ARAP1: variants seen among roughly 807,000 people sequenced by gnomAD.
ARAP1 encodes the protein arf-GAP with Rho-GAP domain, ANK repeat and PH domain-containing protein 1.
ARAP1 carries 76 observed loss-of-function variants against 172.2 expected under a neutral mutation model. The observed-to-expected ratio is 0.44, with a 90% confidence interval of 0.37 to 0.53. ARAP1 has a LOEUF of 0.53. Ranked by LOEUF, ARAP1 falls within the 20% of genes least tolerant of loss-of-function variation. The pLI, the probability that ARAP1 is intolerant of heterozygous loss-of-function variation, is 0.00. For missense variants in ARAP1, 1,686 were observed against 1,977.5 expected, an observed-to-expected ratio of 0.85 and a Z score of 2.80; for synonymous variants, 804 against 803.3, an observed-to-expected ratio of 1.00 and a Z score of -0.01.
intron 30 of ARAP1, 53 bp from the exon 31 acceptor site, chr11:72,688,590 G>A (rs1855791832): frequency 6.7e-7 from 1 of 1,499,158 alleles, no homozygotes; most frequent in South Asian, 1.2e-5. Flanking sequence ...AGGGCACTGG[G>A]GCCGCTCTCC....
Position 72,695,915 on chromosome 11 carries a change from C to G in ARAP1, c.3273-50G>C. On this transcript the variant is annotated intron_variant, in intron 23 of 34. Transcript: ENST00000393609. This position sits in a 1 kb window ranked among gnomAD's most constrained non-coding sequence, Gnocchi z 4.4. ...TGAGTGAGGAGTCAGGCCAGAGCTT[C>G]CCATCTCACCCTATTAATTTCTGAC... is the stretch of plus-strand genomic sequence containing the variant. 6.4e-7 allele frequency: 1 copy of G among 1,562,848 alleles called. No homozygotes were observed.
At position 72,693,693 on chromosome 11, in the gene ARAP1, C is replaced by G. The variant is rs1172845517; in HGVS notation, c.3807G>C (p.Leu1269=). 6.2e-7 allele frequency: 1 copy of G among 1,603,988 alleles called. No individual in the cohort carries two copies. Among genetic ancestry groups the G allele is most frequent in the Non-Finnish European group, 8.5e-7 (1 of 1,175,144 alleles). The change falls in exon 28 of 35, where the codon CTG becomes CTC. Residue 1269 remains leucine (L), a splice_region_variant and synonymous_variant. Coordinates refer to ENST00000393609, the MANE Select transcript of ARAP1 (RefSeq NM_001040118.3). The surrounding 1 kb of genome is among the most constrained non-coding windows in gnomAD (Gnocchi z 4.6). ...HQAMEAMLLY[L]ASRVGDTKHG... is the part of the protein sequence containing the mutation. ...GGCCACCCTGCAGGCACCACCTACC[C>G]AGGTACAGCAGCATGGCCTCCATGG...
chr11:72,745,628 C>T (rs1858343233), intron 1 of ARAP1, among the ~76,000 whole-genome samples: 1 of 140,146 alleles, frequency 7.1e-6, no homozygotes, highest in Non-Finnish European at 1.7e-5. Context: ...GGAGTACCCA[C>T]TGGAGGGATG....
chr11:72,712,738 C>T, intron 5 of ARAP1, 170 bp from the exon 6 acceptor site: 1 of 1,113,362 alleles, frequency 9.0e-7, no homozygotes, highest in Non-Finnish European at 1.3e-6. Context: ...ACACAGAGAC[C>T]CAGATCACAG....
At chr11:72,702,809 T>A in intron 15 of ARAP1, 96 bp downstream of exon 15, 2 of 1,452,554 alleles carry the variant, frequency 1.4e-6, no homozygotes, top group Non-Finnish European at 9.2e-7. Flanking sequence ...TCACAGGCCC[T>A]TGAGGAGCTG....
intron 21 of ARAP1, 59 bp from the exon 22 acceptor site, chr11:72,697,254 C>T (rs1333242736): frequency 5.1e-6 from 8 of 1,580,738 alleles, no homozygotes; most frequent in Non-Finnish European, 6.0e-6. Flanking sequence ...GGGGCGGGGC[C>T]GCGCAGCTCT....
In ARAP1 at chr11:72,692,788, G is replaced by T. The variant is rs746381074; in HGVS notation, c.3955-3C>A. On this transcript the variant is annotated splice_polypyrimidine_tract_variant and splice_region_variant and intron_variant, in intron 29 of 34. Coordinates refer to ENST00000393609, the MANE Select transcript of ARAP1 (RefSeq NM_001040118.3). ...GCCCCGCTCCACGGCCTCTGGCTCT[G>T]TTTGATAGAGGATCAGGGTTATGGA... 1.2e-6 allele frequency: 2 copies of T among 1,613,578 alleles called. No homozygotes were observed. Among genetic ancestry groups the T allele is most frequent in the East Asian group, 4.5e-5 (2 of 44,874 alleles).
At chr11:72,714,446 C>G (rs1857186176) in intron 3 of ARAP1, 125 bp from the exon 4 acceptor site, 11 of 936,638 alleles carry the variant, frequency 1.2e-5, no homozygotes, top group Non-Finnish European at 1.7e-5. Flanking sequence ...AGACAGGAGC[C>G]CTCCTGCACA....
In ARAP1 at chr11:72,701,790, A is replaced by T; in HGVS notation, c.2168-7T>A. The T allele has an allele frequency of 6.2e-7, 1 of 1,612,596 alleles. No individual in the cohort carries two copies. The highest frequency in any genetic ancestry group is 8.5e-7 in the Non-Finnish European group (1 of 1,179,094). ...GAGTCCAGCCGAGGCACCTCTTTGT[A>T]GGCGGGGAAAGGATGGCAGGTCATG... On this transcript the variant is annotated splice_region_variant and splice_polypyrimidine_tract_variant and intron_variant, in intron 15 of 34. Coordinates refer to ENST00000393609, the MANE Select transcript of ARAP1 (RefSeq NM_001040118.3).
chr11:72,711,320 GACTTAGA>G lies in ARAP1; in HGVS notation c.1092+103_1092+109del. 3 of 1,484,934 alleles carry G rather than the reference GACTTAGA, an allele frequency of 2.0e-6. No homozygotes were observed. In the South Asian group the frequency reaches 3.6e-5, roughly 18 times the overall value. The allele number at this position is 1,484,934 out of a possible 1,614,324, so 92.0% of individuals were successfully genotyped here. ...CAGGAGGACATGGGTTAAGGGGTCA[GACTTAGA>G]ACTCTGGCGAGGACTCCTCTGGGGA... On this transcript the variant is annotated intron_variant, in intron 8 of 34. Transcript: ENST00000393609.
Position 72,710,301 on chromosome 11 carries a change from A to C in ARAP1, c.1416+84T>G. The C allele has an allele frequency of 6.6e-7, 1 of 1,523,730 alleles. No homozygotes were observed. Among genetic ancestry groups the C allele is most frequent in the Non-Finnish European group, 9.0e-7 (1 of 1,108,796 alleles). The allele number at this position is 1,523,730 out of a possible 1,614,324, so 94.4% of individuals were successfully genotyped here. A position where few individuals can be genotyped will look rare whatever the true frequency, so the allele number is the denominator to read the frequency against. On this transcript the variant is annotated intron_variant, in intron 10 of 34. Coordinates refer to ENST00000393609, the MANE Select transcript of ARAP1 (RefSeq NM_001040118.3). The surrounding 1 kb of genome is among the most constrained non-coding windows in gnomAD (Gnocchi z 4.3). ...CCCAGTGCAGGAAAAGAGGGAACAG[A>C]AAAGGCAGGGCTAAGGCCCTAGGTC...
Position 72,697,925 on chromosome 11 carries a change from T to C in ARAP1, c.2723A>G (p.Lys908Arg), listed in dbSNP as rs1295947865. The C allele has an allele frequency of 1.0e-5, 16 of 1,604,144 alleles. No homozygotes were observed. The highest frequency in any genetic ancestry group is 1.4e-5 in the Non-Finnish European group (16 of 1,174,704). The change falls in exon 19 of 35, where the codon AAA becomes AGA. Residue 908 changes from lysine (K) to arginine (R), a missense_variant. By Grantham distance (26) the Lys-to-Arg change is conservative (BLOSUM62 2). Transcript: ENST00000393609. ...GPCEEPLQLR[K>R]LQELSIQGDS... ...GGTCCACGCACAAAGCTCCTGCAGT[T>C]TCCGTAGTTGCAGCGGCTCTTCGCA...
chr11:72,701,529 C>G lies in ARAP1; in HGVS notation c.2302+120G>C, dbSNP rs1004871147. Reference sequence around the variant, plus strand: ...ACCTACTGTGTACCACAGACTATATCCAGGAAGCCCTCTAGGGTGACTCTG... The same window carrying G: ...ACCTACTGTGTACCACAGACTATATGCAGGAAGCCCTCTAGGGTGACTCTG... On this transcript the variant is annotated intron_variant, in intron 16 of 34. Transcript: ENST00000393609. 3 of 1,381,614 alleles carry G rather than the reference C, an allele frequency of 2.2e-6. No individual in the cohort carries two copies. In the African/African-American group the frequency reaches 4.3e-5, roughly 20 times the overall value. 85.6% of individuals were successfully genotyped at this position (1,381,614 alleles called of 1,614,324 possible).
chr11:72,704,385 T>G (rs1321722265), intron 13 of ARAP1, 51 bp from the exon 14 acceptor site: 1 of 1,490,236 alleles, frequency 6.7e-7, no homozygotes. Context: ...CCAGGGGCCG[T>G]GCCGGGCAGA....
rs1856966153 is a variant in ARAP1 at position 72,710,516 on chromosome 11, T to C, written c.1285A>G (p.Ser429Gly). 1 of 1,613,920 alleles carries C rather than the reference T, an allele frequency of 6.2e-7. No individual in the cohort carries two copies. The highest frequency in any genetic ancestry group is 1.3e-5 in the African/African-American group (1 of 75,000). Residue 429 changes from serine (S) to glycine (G), a missense_variant, in exon 10 of 35, where the codon AGC (serine) becomes GGC (glycine). By Grantham distance (56) the Ser-to-Gly change is moderately conservative. Coordinates refer to ENST00000393609, the MANE Select transcript of ARAP1 (RefSeq NM_001040118.3). The surrounding 1 kb of genome is among the most constrained non-coding windows in gnomAD (Gnocchi z 4.3). ...CCTGGAACTCCCAGCAGATAAGCGC[T>C]AGAGAGCCGGGCCCGGGCACGCTGC... is the stretch of plus-strand genomic sequence containing the variant. ...AEQRARARLS[S>G]AYLLGVPGSE...
chr11:72,719,102 G>T (rs1333401231), intron 3 of ARAP1, among the ~76,000 whole-genome samples: 1 of 152,136 alleles, frequency 6.6e-6, no homozygotes, highest in Non-Finnish European at 1.5e-5. Context: ...GCCACAGCTG[G>T]TATTTGAACC....
intron 18 of ARAP1, among the ~76,000 whole-genome samples, chr11:72,698,479 G>C (rs1218895502): frequency 1.3e-5 from 2 of 152,218 alleles, no homozygotes; most frequent in African/African-American, 2.4e-5. Flanking sequence ...GACTAAGCCT[G>C]GTTCATCTGG....
intron 1 of ARAP1, among the ~76,000 whole-genome samples, chr11:72,746,778 C>T (rs910403594): frequency 6.6e-6 from 1 of 152,140 alleles, no homozygotes; most frequent in African/African-American, 2.4e-5. Context: ...CTTACTGCCC[C>T]TCCCTGAAGC....
intron 5 of ARAP1, 145 bp downstream of exon 5, chr11:72,713,031 G>C: frequency 1.2e-6 from 1 of 863,784 alleles, no homozygotes; most frequent in Non-Finnish European, 1.8e-6. Context: ...CCTGACCCCC[G>C]TATGGCAAGA....
Sources: allele counts gnomAD v4.1 joint callset (sites outside exome capture counted in the v4.1 genomes callset), GRCh38; gene constraint gnomAD v4.1.1; non-coding constraint Gnocchi (gnomAD v3.1); transcripts MANE v1.5; gene names NCBI Gene and HGNC (gene_info 2026-07-23, HGNC 2026-07-21).